XRN1: variants seen among roughly 807,000 people sequenced by gnomAD.
XRN1 encodes strand-exchange protein 1 homolog.
In XRN1, 67 loss-of-function variants were observed where a neutral mutation model predicts 222.3. That is an observed-to-expected ratio of 0.30 (90% confidence interval 0.25 to 0.37). XRN1 has a LOEUF of 0.37. Among genes scored for constraint, XRN1 ranks in the 10% least tolerant of loss-of-function variants. The pLI is 1.00. For missense variants in XRN1, 1,707 were observed against 2,000.2 expected, an observed-to-expected ratio of 0.85 and a Z score of 2.80; for synonymous variants, 643 against 652.4, an observed-to-expected ratio of 0.99 and a Z score of 0.22.
In XRN1 at chr3:142,426,837, C is replaced by T. The variant is rs1174048200; in HGVS notation, c.313G>A (p.Ala105Thr). Residue 105 changes from alanine (A) to threonine (T), a missense_variant, in exon 3 of 41, where the codon GCA (alanine) becomes ACA (threonine). This residue lies in a region of XRN1 where 1,234 missense variants were observed against 1,518.2 expected (regional missense o/e 0.81). Transcript: ENST00000392981. ...NQQRGRRFRS[A>T]KEAEDKIKKA... Reference sequence around the variant, plus strand: ...TTAATTTTGTCTTCTGCCTCCTTTGCTGACCTTAAAGGTTAAGGGAAAAAA... The same window carrying T: ...TTAATTTTGTCTTCTGCCTCCTTTGTTGACCTTAAAGGTTAAGGGAAAAAA... The T allele has an allele frequency of 6.2e-7, 1 of 1,612,986 alleles. No homozygotes were observed. Among genetic ancestry groups the T allele is most frequent in the East Asian group, 2.2e-5 (1 of 44,828 alleles).
At chr3:142,442,607 G>A (rs1407280449) in intron 1 of XRN1, among the ~76,000 whole-genome samples, 2 of 152,208 alleles carry the variant, frequency 1.3e-5, no homozygotes, top group East Asian at 3.9e-4. Flanking sequence ...GCACCCATCA[G>A]ATGGCCAAAT....
intron 18 of XRN1, 107 bp downstream of exon 18, chr3:142,403,567 A>G: frequency 9.9e-7 from 1 of 1,014,294 alleles, no homozygotes; most frequent in Non-Finnish European, 1.5e-6. Flanking sequence ...TTTAGGCTCC[A>G]AATTTCTAGA....
At chr3:142,426,621 AAAATACAGT>A (rs1189655874) in intron 3 of XRN1, 114 bp downstream of exon 3, 2 of 869,154 alleles carry the variant, frequency 2.3e-6, no homozygotes, top group Admixed American at 5.6e-5. Flanking sequence ...CATAAGTGGG[AAAATACAGT>A]AAATGGAACC....
intron 15 of XRN1, among the ~76,000 whole-genome samples, chr3:142,411,822 ATTTT>A (rs1291888583): frequency 7.2e-6 from 1 of 138,556 alleles, no homozygotes. Context: ...CTTACTGAAA[ATTTT>A]TTTTTTTTTT....
intron 15 of XRN1, among the ~76,000 whole-genome samples, chr3:142,405,573 A>T (rs2068307653): frequency 6.6e-6 from 1 of 152,176 alleles, no homozygotes. Context: ...AAATGTATGG[A>T]CAGTAAAAAG....
At chr3:142,417,009 A>T in intron 13 of XRN1, 131 bp downstream of exon 13, 1 of 576,818 alleles carries the variant, frequency 1.7e-6, no homozygotes, top group Non-Finnish European at 2.7e-6. Flanking sequence ...AGCCTGGGCA[A>T]CAGAGTGAAA....
intron 36 of XRN1, 127 bp downstream of exon 36, chr3:142,332,248 C>T (rs2065719864): frequency 5.0e-6 from 4 of 796,720 alleles, no homozygotes; most frequent in Non-Finnish European, 7.5e-6. Flanking sequence ...AGCAAGACAC[C>T]ATCTCTAAAA....
intron 39 of XRN1, among the ~76,000 whole-genome samples, chr3:142,315,360 T>C (rs1272985931): frequency 6.6e-6 from 1 of 152,100 alleles, no homozygotes; most frequent in African/African-American, 2.4e-5. Context: ...CCTTCCAAAG[T>C]GCTGGGATTA....
At chr3:142,364,788 G>A (rs2066764622) in intron 29 of XRN1, among the ~76,000 whole-genome samples, 1 of 151,994 alleles carries the variant, frequency 6.6e-6, no homozygotes, top group Non-Finnish European at 1.5e-5. Context: ...TAATTTTAAT[G>A]TGATATAAAA....
At chr3:142,437,116 A>C (rs1188666238) in intron 1 of XRN1, among the ~76,000 whole-genome samples, 4 of 152,244 alleles carry the variant, frequency 2.6e-5, no homozygotes, top group South Asian at 2.1e-4. Context: ...GAGAACATGC[A>C]GTAGAACTTT....
At chr3:142,327,099 G>C (rs2065538292) in intron 37 of XRN1, among the ~76,000 whole-genome samples, 1 of 151,898 alleles carries the variant, frequency 6.6e-6, no homozygotes, top group African/African-American at 2.4e-5. Flanking sequence ...GTCTTTCTTT[G>C]GTTTTGGTAT....
chr3:142,369,329 A>G (rs1399887472), intron 27 of XRN1, among the ~76,000 whole-genome samples: 4 of 152,156 alleles, frequency 2.6e-5, no homozygotes, highest in African/African-American at 9.7e-5. Flanking sequence ...ATTTTTAGTA[A>G]CTCAATGAGT....
At chr3:142,445,019 G>GT (rs967301006) in intron 1 of XRN1, among the ~76,000 whole-genome samples, 12 of 152,010 alleles carry the variant, frequency 7.9e-5, no homozygotes, top group Non-Finnish European at 1.5e-4. Flanking sequence ...TGCTGCTTTG[G>GT]TTTTTTCTTT....
At chr3:142,433,405 T>C (rs927791655) in intron 1 of XRN1, among the ~76,000 whole-genome samples, 6 of 152,180 alleles carry the variant, frequency 3.9e-5, no homozygotes, top group Non-Finnish European at 8.8e-5. Flanking sequence ...AAATGTTAGA[T>C]TATGCCAAGA....
intron 26 of XRN1, 31 bp from the exon 27 acceptor site, chr3:142,370,651 G>T: frequency 2.0e-6 from 3 of 1,537,970 alleles, no homozygotes; most frequent in South Asian, 2.6e-5. Flanking sequence ...TTTAAAATTT[G>T]ATTAAAACTT....
At chr3:142,324,205 T>C (rs893934602) in intron 37 of XRN1, among the ~76,000 whole-genome samples, 1 of 151,838 alleles carries the variant, frequency 6.6e-6, no homozygotes, top group Non-Finnish European at 1.5e-5. Flanking sequence ...GTTAACTCTT[T>C]ATTTAACATT....
chr3:142,421,907 T>C (rs1486968937), intron 8 of XRN1, among the ~76,000 whole-genome samples: 1 of 150,084 alleles, frequency 6.7e-6, no homozygotes, highest in Non-Finnish European at 1.5e-5. Flanking sequence ...ATCACTATGT[T>C]TGTCAATTTT....
chr3:142,369,862 A>G (rs547992164), intron 27 of XRN1, among the ~76,000 whole-genome samples: 90 of 152,006 alleles, frequency 5.9e-4, no homozygotes, highest in Admixed American at 2.6e-3. Context: ...CCTGGCCAAC[A>G]TGGCGAAATG....
chr3:142,405,633 G>A (rs1347249705), intron 15 of XRN1, among the ~76,000 whole-genome samples: 6 of 152,142 alleles, frequency 3.9e-5, no homozygotes, highest in Non-Finnish European at 8.8e-5. Flanking sequence ...TAAAGCTACT[G>A]TAATCAAAAC....
Sources: gnomAD v4.1 joint callset for allele counts (sites outside exome capture counted in the v4.1 genomes callset) on GRCh38, gnomAD v4.1.1 for gene constraint, gnomAD v4.1.1 regional missense constraint, MANE v1.5 for transcripts, NCBI Gene and HGNC (gene_info 2026-07-23, HGNC 2026-07-21) for gene names.